ZMIZ1: variants seen among roughly 807,000 people sequenced by gnomAD.
The protein encoded by ZMIZ1 is zinc finger MIZ-type containing 1.
Under a neutral mutation model 113.9 loss-of-function variants are expected in ZMIZ1, and 17 were observed. The ratio of observed to expected loss-of-function variants is 0.15; its 90% CI spans 0.10 to 0.22. The LOEUF is 0.22. ZMIZ1 is among the 10% of genes least tolerant of loss of function. The pLI, the probability that ZMIZ1 is intolerant of heterozygous loss-of-function variation, is 1.00. For synonymous variants in ZMIZ1, 607 were observed against 603.1 expected (o/e 1.01, Z -0.09); for missense variants, 1,059 against 1,477.8 (o/e 0.72, Z 4.65).
chr10:79,168,822 C>G (rs1368829150), intron 4 of ZMIZ1, among the ~76,000 whole-genome samples: 1 of 152,166 alleles, frequency 6.6e-6, no homozygotes, highest in Non-Finnish European at 1.5e-5. Context: ...CACAGGTGTC[C>G]GTCCACCCTG....
At chr10:79,105,564 C>T (rs1266609941) in intron 1 of ZMIZ1, among the ~76,000 whole-genome samples, 4 of 152,208 alleles carry the variant, frequency 2.6e-5, no homozygotes, top group Admixed American at 2.6e-4. Flanking sequence ...AGCCCTCTGA[C>T]TGTGTCAAGG....
At chr10:79,089,185 C>A (rs1274013944) in intron 1 of ZMIZ1, among the ~76,000 whole-genome samples, 1 of 152,242 alleles carries the variant, frequency 6.6e-6, no homozygotes, top group Non-Finnish European at 1.5e-5. Flanking sequence ...CCCGAAGCAA[C>A]TGGTGGGGTT....
intron 1 of ZMIZ1, among the ~76,000 whole-genome samples, chr10:79,078,536 C>CT (rs1338267823): frequency 6.8e-6 from 1 of 147,592 alleles, no homozygotes; most frequent in Non-Finnish European, 1.5e-5. Flanking sequence ...TTCACTCAGC[C>CT]TTTCCCCAGA....
intron 4 of ZMIZ1, among the ~76,000 whole-genome samples, chr10:79,178,701 G>T (rs965657463): frequency 3.3e-5 from 5 of 151,364 alleles, no homozygotes; most frequent in Non-Finnish European, 5.9e-5. Context: ...CCCCACCCCC[G>T]CATGCTTCCT....
At chr10:79,220,830 G>A (rs920645379) in intron 7 of ZMIZ1, among the ~76,000 whole-genome samples, 1 of 151,722 alleles carries the variant, frequency 6.6e-6, no homozygotes, top group African/African-American at 2.4e-5. Context: ...GTGTGTGCCT[G>A]TGTACATGTG....
chr10:79,294,302 C>T (rs1409151434), intron 12 of ZMIZ1: 1 of 156,472 alleles, frequency 6.4e-6, no homozygotes, highest in Middle Eastern at 3.1e-3. Context: ...TGTTTCTTAG[C>T]TCTTGTTTCC....
chr10:79,111,717 CACCTT>C (rs1445643286), intron 1 of ZMIZ1, among the ~76,000 whole-genome samples: 2 of 152,244 alleles, frequency 1.3e-5, no homozygotes, highest in African/African-American at 4.8e-5. Flanking sequence ...CCCCTTCCCT[CACCTT>C]AGGGAGCTCC....
chr10:79,132,575 G>A (rs78381416), intron 2 of ZMIZ1, among the ~76,000 whole-genome samples: 1 of 152,228 alleles, frequency 6.6e-6, no homozygotes, highest in Non-Finnish European at 1.5e-5. Context: ...GAGACTGGGG[G>A]CCAAATTTGC....
chr10:79,077,622 G>A (rs1398735071), intron 1 of ZMIZ1, among the ~76,000 whole-genome samples: 2 of 152,152 alleles, frequency 1.3e-5, no homozygotes, highest in Non-Finnish European at 2.9e-5. Context: ...GCATTTATTG[G>A]GCAACTAATG....
At chr10:79,227,971 G>A (rs1430689202) in intron 7 of ZMIZ1, among the ~76,000 whole-genome samples, 1 of 152,232 alleles carries the variant, frequency 6.6e-6, no homozygotes, top group Non-Finnish European at 1.5e-5. Context: ...GGCTGGACAG[G>A]GCCCACAGCA....
chr10:79,221,466 C>T (rs1210583283), intron 7 of ZMIZ1, among the ~76,000 whole-genome samples: 1 of 152,230 alleles, frequency 6.6e-6, no homozygotes, highest in East Asian at 1.9e-4. Flanking sequence ...CCCCTCCCTC[C>T]TCAGTACAGA....
intron 7 of ZMIZ1, among the ~76,000 whole-genome samples, chr10:79,248,828 G>C (rs1049436570): frequency 6.6e-6 from 1 of 152,168 alleles, no homozygotes; most frequent in African/African-American, 2.4e-5. Flanking sequence ...AAATCAATGT[G>C]TGCATTTCCC....
chr10:79,113,390 G>C (rs951254067), intron 1 of ZMIZ1, among the ~76,000 whole-genome samples: 1 of 152,310 alleles, frequency 6.6e-6, no homozygotes, highest in Middle Eastern at 3.4e-3. Context: ...GCCATGCGGG[G>C]GTGGAGGTGC....
intron 7 of ZMIZ1, chr10:79,243,704 C>T: frequency 3.3e-6 from 1 of 299,878 alleles, no homozygotes; most frequent in South Asian, 2.4e-5. Context: ...CCCCCGAGGG[C>T]GCCAGGGCGG....
At chr10:79,165,839 C>T (rs567161185) in intron 4 of ZMIZ1, among the ~76,000 whole-genome samples, 1 of 150,416 alleles carries the variant, frequency 6.6e-6, no homozygotes, top group South Asian at 2.1e-4. Context: ...ACCAGCTCCC[C>T]CTAGGCGGGC....
chr10:79,278,882 C>T (rs1201531046), intron 8 of ZMIZ1, among the ~76,000 whole-genome samples: 1 of 152,214 alleles, frequency 6.6e-6, no homozygotes, highest in Non-Finnish European at 1.5e-5. Flanking sequence ...TTCTTTTCCC[C>T]ACATTTCCCC....
intron 7 of ZMIZ1, among the ~76,000 whole-genome samples, chr10:79,275,685 C>T (rs760818507): frequency 9.2e-5 from 14 of 152,182 alleles, no homozygotes; most frequent in Non-Finnish European, 1.9e-4. Flanking sequence ...AGGATTTTGC[C>T]TTCTGAAGGC....
chr10:79,293,067 C>T (rs1853615772), intron 11 of ZMIZ1, among the ~76,000 whole-genome samples: 1 of 152,132 alleles, frequency 6.6e-6, no homozygotes, highest in South Asian at 2.1e-4. Context: ...TCCCTGCACA[C>T]TTTCCTGGTT....
chr10:79,254,834 A>G (rs563066509), intron 7 of ZMIZ1, among the ~76,000 whole-genome samples: 6 of 152,188 alleles, frequency 3.9e-5, no homozygotes, highest in Non-Finnish European at 8.8e-5. Context: ...TTCAAAACCA[A>G]ACACCTGATA....
Sources: gnomAD v4.1 joint callset for allele counts (sites outside exome capture counted in the v4.1 genomes callset) on GRCh38, gnomAD v4.1.1 for gene constraint, MANE v1.5 for transcripts, NCBI Gene and HGNC (gene_info 2026-07-23, HGNC 2026-07-21) for gene names.